Variants in SYT3 observed in about 807,000 individuals in gnomAD.
The protein encoded by SYT3 is synaptotagmin 3, also known as synaptotagmin-3.
In SYT3, 25 loss-of-function variants were observed where a neutral mutation model predicts 50.6. That is an observed-to-expected ratio of 0.49 (90% CI 0.36 to 0.69). The LOEUF is 0.69. Ranked by LOEUF, SYT3 falls within the 30% of genes least tolerant of loss-of-function variation. The probability of loss-of-function intolerance (pLI) is 0.00; values close to 1 mark genes in which losing one functional copy is unlikely to be tolerated. For synonymous variants in SYT3, 323 were observed against 353.9 expected, an observed-to-expected ratio of 0.91 and a Z score of 0.98; for missense variants, 589 against 793.6, an observed-to-expected ratio of 0.74 and a Z score of 3.10.
At chr19:50,648,579 C>T in the SYT3 span, among the ~76,000 whole-genome samples, 2 of 114,112 alleles carry the variant, frequency 1.8e-5, no homozygotes, top group Non-Finnish European at 3.6e-5. Flanking sequence ...GCACGAGAGG[C>T]CCCGTGAGAC....
At chr19:50,641,168 ATTTTTTTT>A (rs566141853), upstream of SYT3, among the ~76,000 whole-genome samples, 7 of 60,244 alleles carry the variant, frequency 1.2e-4, no homozygotes, top group South Asian at 7.9e-4. Flanking sequence ...GAGCCCAGGA[ATTTTTTTT>A]TTTTTTTTTT....
At chr19:50,655,798 C>G in the SYT3 span, among the ~76,000 whole-genome samples, 1 of 152,244 alleles carries the variant, frequency 6.6e-6, no homozygotes, top group African/African-American at 2.4e-5. Flanking sequence ...CAGGCTCCCA[C>G]TGGCGCCCCT....
rs372300675 is a variant in SYT3, at chr19:50,639,416, ATTT to A, written c.-153-257_-153-255del. 0.088 allele frequency: 12,674 copies of A among 143,886 alleles called. 546 individuals are homozygous for A. Among genetic ancestry groups the A allele is most frequent in the South Asian group, 0.15 (652 of 4,456 alleles). 8.9% of individuals were successfully genotyped at this position (143,886 alleles called of 1,614,324 possible). On this transcript the variant is annotated intron_variant, in intron 1 of 10. Transcript: ENST00000600079. The surrounding 1 kb of genome is among the most constrained non-coding windows in gnomAD (Gnocchi z 4.6). ...GCCTCCGGGCTGCAGAGAGGATGGG[ATTT>A]TTTTTTTTTTTTTAAGGTTTTGGGG...
rs1384020168 is a variant in SYT3, at chr19:50,639,761, G to C, written c.-154+29C>G. ...GGGATTTGACTGGGGCTGGGGCTGTGGCAGGAGGAGGGGGAGGAGCGGACT... is the reference window on the plus strand; with the variant it reads ...GGGATTTGACTGGGGCTGGGGCTGTCGCAGGAGGAGGGGGAGGAGCGGACT... On this transcript the variant is annotated intron_variant, in intron 1 of 10. Transcript: ENST00000600079. The surrounding 1 kb of genome is among the most constrained non-coding windows in gnomAD (Gnocchi z 4.6). 3 of 155,554 alleles carry C rather than the reference G, an allele frequency of 1.9e-5. No homozygotes were observed. The highest frequency in any genetic ancestry group is 2.8e-5 in the Non-Finnish European group (2 of 70,950). The allele number at this position is 155,554 out of a possible 1,614,324, so 9.6% of individuals were successfully genotyped here. A position where few individuals can be genotyped will look rare whatever the true frequency, so the allele number is the denominator to read the frequency against.
At position 50,634,934 on chromosome 19, in the gene SYT3, T is replaced by TGGAGTGCAGTGATGTGATCTCTGC. The variant is rs1984447541; in HGVS notation, c.149-2147_149-2124dup. Among the ~76,000 whole-genome samples, 4 of 152,034 alleles carry TGGAGTGCAGTGATGTGATCTCTGC rather than the reference T, an allele frequency of 2.6e-5. No homozygotes were observed. The South Asian group carries it at 8.3e-4, about 32-fold the overall frequency. On this transcript the variant is annotated intron_variant, in intron 3 of 10. Coordinates refer to ENST00000600079, the MANE Select transcript of SYT3 (RefSeq NM_001160329.2). ...CAGAGTCTCGCTGTGTCACCCAGGC[T>TGGAGTGCAGTGATGTGATCTCTGC]GGAGTGCAGTGATGTGATCTCTGCG...
the SYT3 span, among the ~76,000 whole-genome samples, chr19:50,648,341 T>C: frequency 6.6e-6 from 1 of 152,060 alleles, no homozygotes; most frequent in African/African-American, 2.4e-5. Flanking sequence ...TGCCACCACC[T>C]AGAACGAATA....
rs1379329702 is a variant in SYT3 at position 50,637,236 on chromosome 19, G to C, written c.148+28C>G. 1 of 1,605,658 alleles carries C rather than the reference G, an allele frequency of 6.2e-7. No individual in the cohort carries two copies. Among genetic ancestry groups the C allele is most frequent in the African/African-American group, 1.3e-5 (1 of 74,910 alleles). Reference sequence around the variant, plus strand: ...CTCCTGGCCATAGTGCAAGCAGGGGGCTGGCCAAGACAGGCAGGGGTGCTG... The same window carrying C: ...CTCCTGGCCATAGTGCAAGCAGGGGCCTGGCCAAGACAGGCAGGGGTGCTG... On this transcript the variant is annotated intron_variant, in intron 3 of 10. Transcript: ENST00000600079. This position sits in a 1 kb window ranked among gnomAD's most constrained non-coding sequence, Gnocchi z 4.9.
In SYT3 at chr19:50,625,782, CCA is replaced by C; in HGVS notation, c.1402+113_1402+114del. ...CCCCTCCTCCCTCAGACCCAGGAGTCCAGATCCCCAGCTCCTCCTCCCTCAGA... is the reference window on the plus strand; with the variant it reads ...CCCCTCCTCCCTCAGACCCAGGAGTCGATCCCCAGCTCCTCCTCCCTCAGA... On this transcript the variant is annotated intron_variant, in intron 7 of 10. Coordinates refer to ENST00000600079, the MANE Select transcript of SYT3 (RefSeq NM_001160329.2). This position sits in a 1 kb window ranked among gnomAD's most constrained non-coding sequence, Gnocchi z 7.5. 7.0e-6 allele frequency: 4 copies of C among 574,376 alleles called. 2 individuals carry two copies. The highest frequency in any genetic ancestry group is 1.2e-5 in the Non-Finnish European group (4 of 337,448). The allele number at this position is 574,376 out of a possible 1,614,324, so 35.6% of individuals were successfully genotyped here.
In SYT3 at chr19:50,625,066, C is replaced by CACGAACA. The variant is rs1254524760; in HGVS notation, c.1707+95_1707+96insTGTTCGT. The CACGAACA allele has an allele frequency of 2.3e-6, 3 of 1,302,644 alleles. No homozygotes were observed. The South Asian group carries it at 6.4e-5, about 28-fold the overall frequency. 80.7% of individuals were successfully genotyped at this position (1,302,644 alleles called of 1,614,324 possible). ...GGATTGAAACCTAGGACGCCTGGCT[C>CACGAACA]TGCGACTCACGAACATGCAGGGCGT... On this transcript the variant is annotated intron_variant, in intron 9 of 10. Coordinates refer to ENST00000600079, the MANE Select transcript of SYT3 (RefSeq NM_001160329.2). This position sits in a 1 kb window ranked among gnomAD's most constrained non-coding sequence, Gnocchi z 7.5.
the SYT3 span, among the ~76,000 whole-genome samples, chr19:50,646,979 C>T: frequency 8.6e-5 from 13 of 152,008 alleles, no homozygotes; most frequent in Non-Finnish European, 1.3e-4. Context: ...TACAGGTGCC[C>T]GCCACCACAC....
Position 50,625,665 on chromosome 19 carries a change from C to T in SYT3, c.1403-101G>A, listed in dbSNP as rs1028204202. On this transcript the variant is annotated intron_variant, in intron 7 of 10. Transcript: ENST00000600079. This position sits in a 1 kb window ranked among gnomAD's most constrained non-coding sequence, Gnocchi z 7.5. ...CCCTCCTCCCTCAGACCCAGAGGTC[C>T]GGGGCCCCAGGCCCCCAGTCCCTCC... The T allele has an allele frequency of 1.4e-5, 21 of 1,451,140 alleles. No individual in the cohort carries two copies. Among genetic ancestry groups the T allele is most frequent in the Non-Finnish European group, 1.6e-5 (17 of 1,095,334 alleles). The allele number at this position is 1,451,140 out of a possible 1,614,324, so 89.9% of individuals were successfully genotyped here.
At chr19:50,647,021 G>C in the SYT3 span, among the ~76,000 whole-genome samples, 3 of 151,954 alleles carry the variant, frequency 2.0e-5, no homozygotes, top group Middle Eastern at 3.2e-3. Context: ...CAGTAGAGAC[G>C]GGGTTTCACC....
the SYT3 span, among the ~76,000 whole-genome samples, chr19:50,654,279 T>G: frequency 6.6e-6 from 1 of 152,214 alleles, no homozygotes; most frequent in Middle Eastern, 3.4e-3. Context: ...CTTCCCTCCC[T>G]CCATCTCTCT....
upstream of SYT3, among the ~76,000 whole-genome samples, chr19:50,642,292 CAG>C (rs1212397454): frequency 1.3e-5 from 2 of 152,276 alleles, no homozygotes; most frequent in Non-Finnish European, 2.9e-5. Context: ...TGCACACACT[CAG>C]AGATGGGCAC....
At chr19:50,642,518 G>A (rs1325611290), upstream of SYT3, among the ~76,000 whole-genome samples, 2 of 152,198 alleles carry the variant, frequency 1.3e-5, no homozygotes, top group African/African-American at 2.4e-5. Flanking sequence ...CTCTCTGTAA[G>A]TGCAGATAAT....
At chr19:50,628,475 A>G (rs1984154732) in intron 6 of SYT3, among the ~76,000 whole-genome samples, 2 of 152,194 alleles carry the variant, frequency 1.3e-5, no homozygotes, top group South Asian at 4.1e-4. Flanking sequence ...CTGGGGGATC[A>G]AGCTATCAGC....
At chr19:50,643,537 C>T (rs1173291779), upstream of SYT3, among the ~76,000 whole-genome samples, 1 of 152,032 alleles carries the variant, frequency 6.6e-6, no homozygotes, top group Non-Finnish European at 1.5e-5. Context: ...ATGCTGTTTG[C>T]ATCTAGGACC....
the SYT3 span, among the ~76,000 whole-genome samples, chr19:50,646,997 A>AG: frequency 6.6e-6 from 1 of 151,716 alleles, no homozygotes; most frequent in Non-Finnish European, 1.5e-5. Context: ...CACCCGGCTA[A>AG]TTTTTTGTAT....
At chr19:50,655,684 A>G in the SYT3 span, among the ~76,000 whole-genome samples, 1 of 151,912 alleles carries the variant, frequency 6.6e-6, no homozygotes, top group African/African-American at 2.4e-5. Flanking sequence ...AACTGGATTC[A>G]AGTGTTGTTA....
Sources: allele counts gnomAD v4.1 joint callset (sites outside exome capture counted in the v4.1 genomes callset), GRCh38; gene constraint gnomAD v4.1.1; non-coding constraint Gnocchi (gnomAD v3.1); transcripts MANE v1.5; gene names NCBI Gene and HGNC (gene_info 2026-07-23, HGNC 2026-07-21).